Variants in WASHC2A observed in about 807,000 individuals in gnomAD.
WASHC2A encodes the protein WASH complex subunit 2A.
A neutral mutation model predicts 140.3 loss-of-function variants in WASHC2A; 82 were observed. That is an observed-to-expected ratio of 0.58 (90% CI 0.49 to 0.70). The LOEUF is 0.70. WASHC2A is among the 30% of genes least tolerant of loss of function. The probability of loss-of-function intolerance (pLI) is 0.00; values close to 1 mark genes in which losing one functional copy is unlikely to be tolerated. For synonymous variants in WASHC2A, 340 were observed against 560.8 expected (o/e 0.61, Z 5.56); for missense variants, 985 against 1,521.8 (o/e 0.65, Z 5.87).
At chr10:50,091,964 G>A (rs551937414) in intron 10 of WASHC2A, among the ~76,000 whole-genome samples, 198 bp from the exon 11 acceptor site, 1 of 152,336 alleles carries the variant, frequency 6.6e-6, no homozygotes, top group East Asian at 1.9e-4. Flanking sequence ...GAAAGCAGAA[G>A]GCTTCTGCCT....
chr10:50,111,363 G>A (rs1170902546), intron 20 of WASHC2A, among the ~76,000 whole-genome samples: 2 of 150,842 alleles, frequency 1.3e-5, no homozygotes, highest in East Asian at 1.9e-4. Flanking sequence ...CTTGACACTC[G>A]GATGCATCTT....
At chr10:50,078,437 A>C (rs1476996560) in intron 3 of WASHC2A, among the ~76,000 whole-genome samples, 1 of 151,264 alleles carries the variant, frequency 6.6e-6, no homozygotes, top group Non-Finnish European at 1.5e-5. Flanking sequence ...AAGTTTCATC[A>C]TGTTTCCTAG....
rs1200726785 is a variant in WASHC2A, at chr10:50,130,912, T to A, written c.3720T>A (p.Phe1240Leu). The change falls in exon 30 of 31, where the codon TTT (phenylalanine) becomes TTA (leucine). Residue 1240 changes from phenylalanine (F) to leucine (L), a missense_variant. Phe to Leu is a conservative substitution (Grantham distance 22). Transcript: ENST00000282633. Reference protein sequence around the residue: ...TTQDIFEDDIFATEAIKPSQK... With the variant: ...TTQDIFEDDILATEAIKPSQK... ...TTTGGCTTAACAAGGATGATATATTTGCTACGGAAGCAATTAAACCCTCTC... is the reference window on the plus strand; with the variant it reads ...TTTGGCTTAACAAGGATGATATATTAGCTACGGAAGCAATTAAACCCTCTC... 224 of 1,601,556 alleles carry A rather than the reference T, an allele frequency of 1.4e-4. No homozygotes were observed. Among genetic ancestry groups the A allele is most frequent in the Non-Finnish European group, 1.8e-4 (214 of 1,177,434 alleles).
intron 3 of WASHC2A, among the ~76,000 whole-genome samples, chr10:50,075,113 T>C (rs1383990457): frequency 2.0e-5 from 3 of 152,090 alleles, no homozygotes; most frequent in Non-Finnish European, 4.4e-5. Context: ...TGTGAACTTA[T>C]TTAACCCATC....
chr10:50,131,155 T>G, intron 30 of WASHC2A, 77 bp downstream of exon 30: 2 of 1,611,188 alleles, frequency 1.2e-6, no homozygotes, highest in African/African-American at 2.7e-5. Context: ...CTACCTTTTC[T>G]TGGCCCTTTT....
intron 3 of WASHC2A, among the ~76,000 whole-genome samples, chr10:50,074,621 AG>A: frequency 6.6e-6 from 1 of 152,270 alleles, no homozygotes; most frequent in East Asian, 1.9e-4. Context: ...CAGGCTTAAA[AG>A]AATTGAACCT....
In WASHC2A at chr10:50,068,087, T is replaced by C. The variant is rs1554874609; in HGVS notation, c.4-18T>C. On this transcript the variant is annotated intron_variant, in intron 1 of 30. Coordinates refer to ENST00000282633, the MANE Select transcript of WASHC2A (RefSeq NM_001005751.3). ...CCGCCCTCAGGCTCAGCTTCTCTTC[T>C]CGTTTTTTTCGCTGCAGATGAACCG... The C allele has an allele frequency of 1.9e-6, 3 of 1,608,634 alleles. No homozygotes were observed. Among genetic ancestry groups the C allele is most frequent in the Non-Finnish European group, 1.7e-6 (2 of 1,178,228 alleles).
At position 50,129,931 on chromosome 10, in the gene WASHC2A, T is replaced by C. The variant is rs1219528312; in HGVS notation, c.3600T>C (p.Pro1200=). 1.2e-6 allele frequency: 2 copies of C among 1,611,662 alleles called. No individual in the cohort carries two copies. Among genetic ancestry groups the C allele is most frequent in the Admixed American group, 1.7e-5 (1 of 59,974 alleles). ...PKPAKKTNPF[P]LLEDEDDLFT... is the part of the protein sequence containing the mutation. ...CAGCAAAGAAAACAAATCCCTTTCC[T>C]CTCCTGGAAGATGAGGATGACCTCT... is the stretch of plus-strand genomic sequence containing the variant. The change falls in exon 29 of 31, where the codon CCT becomes CCC. Residue 1200 remains proline (P), a synonymous_variant. Coordinates refer to ENST00000282633, the MANE Select transcript of WASHC2A (RefSeq NM_001005751.3).
At chr10:50,078,023 A>G in intron 3 of WASHC2A, 1 of 534,604 alleles carries the variant, frequency 1.9e-6, no homozygotes, top group Non-Finnish European at 3.3e-6. Flanking sequence ...TTTTTAAAAC[A>G]TAAAAATGAT....
At chr10:50,080,633 CT>C (rs1316099505) in intron 4 of WASHC2A, 124 bp from the exon 5 acceptor site, 1 of 163,780 alleles carries the variant, frequency 6.1e-6, no homozygotes, top group Non-Finnish European at 1.1e-5. Context: ...CAGAATTTGA[CT>C]TTTTTAACAT....
chr10:50,131,981 A>G (rs1319713240), intron 30 of WASHC2A, among the ~76,000 whole-genome samples: 1 of 152,252 alleles, frequency 6.6e-6, no homozygotes, highest in African/African-American at 2.4e-5. Context: ...ATATTAATAT[A>G]TGTTTGTGTA....
intron 7 of WASHC2A, among the ~76,000 whole-genome samples, chr10:50,086,590 C>G (rs1377963737): frequency 9.4e-6 from 1 of 106,396 alleles, no homozygotes; most frequent in Non-Finnish European, 1.8e-5. Flanking sequence ...TGCTATCCCT[C>G]CCCCCTCCCC....
chr10:50,081,825 G>T (rs1215542956), intron 5 of WASHC2A, among the ~76,000 whole-genome samples: 7 of 151,854 alleles, frequency 4.6e-5, no homozygotes, highest in African/African-American at 1.2e-4. Flanking sequence ...TATAGACAGG[G>T]TTTCACCATG....
At position 50,125,129 on chromosome 10, in the gene WASHC2A, C is replaced by T. The variant is rs1843326163; in HGVS notation, c.2495C>T (p.Ala832Val). Residue 832 changes from alanine to valine, a missense_variant, in exon 24 of 31, where the codon GCC (alanine) becomes GTC (valine). Physicochemically the swap from Ala to Val is moderately conservative, Grantham distance 64. Transcript: ENST00000282633. ...KEVGKGRDPD[A>V]HPKSTGVFQD... ...TGTTCCCAGGGCCGCGATCCTGATGCCCACCCCAAGAGCACAGGTGTCTTC... is the reference window on the plus strand; with the variant it reads ...TGTTCCCAGGGCCGCGATCCTGATGTCCACCCCAAGAGCACAGGTGTCTTC... 9 of 1,611,802 alleles carry T rather than the reference C, an allele frequency of 5.6e-6. No homozygotes were observed. Among genetic ancestry groups the T allele is most frequent in the African/African-American group, 4.0e-5 (3 of 74,846 alleles).
intron 4 of WASHC2A, among the ~76,000 whole-genome samples, chr10:50,079,926 G>A (rs1300800886): frequency 6.6e-6 from 1 of 151,194 alleles, no homozygotes; most frequent in Non-Finnish European, 1.5e-5. Context: ...AGACAAAAAA[G>A]TTCAGTTAGA....
At chr10:50,109,907 C>G (rs1363750784) in intron 19 of WASHC2A, among the ~76,000 whole-genome samples, 194 bp from the exon 20 acceptor site, 1 of 151,818 alleles carries the variant, frequency 6.6e-6, no homozygotes, top group East Asian at 1.9e-4. Flanking sequence ...GTAGCTGGGA[C>G]TACAGGCTCC....
chr10:50,090,514 AAAT>A (rs1458329295), intron 8 of WASHC2A, among the ~76,000 whole-genome samples: 31 of 77,910 alleles, frequency 4.0e-4, no homozygotes, highest in Admixed American at 2.6e-3. Flanking sequence ...AAAAAAAAAA[AAAT>A]ATATATATAT....
Position 50,131,297 on chromosome 10 carries a change from C to A in WASHC2A, c.3886+219C>A, listed in dbSNP as rs991527200. 9.4e-4 allele frequency: 699 copies of A among 747,112 alleles called. 6 individuals are homozygous for A. The highest frequency in any genetic ancestry group is 8.8e-3 in the African/African-American group (507 of 57,912). 46.3% of individuals were successfully genotyped at this position (747,112 alleles called of 1,614,324 possible). On this transcript the variant is annotated intron_variant, in intron 30 of 30. Transcript: ENST00000282633. Reference sequence around the variant, plus strand: ...AGTCATCAAAGAATTTGAAGGCACCCAGAGTTTGACGTTTAAGTATAATTT... The same window carrying A: ...AGTCATCAAAGAATTTGAAGGCACCAAGAGTTTGACGTTTAAGTATAATTT...
At chr10:50,100,783 A>G (rs1383806559) in intron 17 of WASHC2A, among the ~76,000 whole-genome samples, 1 of 152,268 alleles carries the variant, frequency 6.6e-6, no homozygotes, top group African/African-American at 2.4e-5. Context: ...GACTGAGACC[A>G]CTAACAGCCT....
Sources: gnomAD v4.1 joint callset for allele counts (sites outside exome capture counted in the v4.1 genomes callset) on GRCh38, gnomAD v4.1.1 for gene constraint, MANE v1.5 for transcripts, NCBI Gene and HGNC (gene_info 2026-07-23, HGNC 2026-07-21) for gene names.